The following LRRTM4 variants were observed in gnomAD, a reference collection of about 807,000 sequenced individuals.
LRRTM4 encodes leucine rich repeat transmembrane neuronal 4.
Under a neutral mutation model 47.6 loss-of-function variants are expected in LRRTM4, and 25 were observed. That is an observed-to-expected ratio of 0.53 (90% CI 0.38 to 0.73). The LOEUF (loss-of-function observed/expected upper bound fraction) is 0.73. Among genes scored for constraint, LRRTM4 ranks in the 30% least tolerant of loss-of-function variants. LRRTM4 has a pLI of 0.00. For synonymous variants in LRRTM4, 311 were observed against 269.5 expected (o/e 1.15, Z -1.51); for missense variants, 638 against 713.4 (o/e 0.89, Z 1.20).
chr2:76,914,417 G>T (rs1674175358), intron 3 of LRRTM4, among the ~76,000 whole-genome samples: 1 of 151,868 alleles, frequency 6.6e-6, no homozygotes. Context: ...CTTTATATTT[G>T]GGGTTGATTT....
chr2:77,068,886 C>T (rs1236087820), intron 3 of LRRTM4, among the ~76,000 whole-genome samples: 2 of 151,696 alleles, frequency 1.3e-5, no homozygotes, highest in Non-Finnish European at 2.9e-5. Flanking sequence ...ACACCTGGAC[C>T]TCCCAGGGGT....
At chr2:77,039,932 ATAAT>A (rs1040291122) in intron 3 of LRRTM4, among the ~76,000 whole-genome samples, 1 of 151,154 alleles carries the variant, frequency 6.6e-6, no homozygotes, top group African/African-American at 2.4e-5. Context: ...TATTTTTAAA[ATAAT>A]TATTTTCTTA....
chr2:77,017,076 C>T (rs1485995867), intron 3 of LRRTM4, among the ~76,000 whole-genome samples: 2 of 152,112 alleles, frequency 1.3e-5, no homozygotes, highest in South Asian at 4.1e-4. Flanking sequence ...AGAAGCAACA[C>T]CTGGTTGCAG....
intron 3 of LRRTM4, among the ~76,000 whole-genome samples, chr2:77,031,840 T>C (rs1250171168): frequency 1.3e-5 from 2 of 152,158 alleles, no homozygotes; most frequent in African/African-American, 2.4e-5. Flanking sequence ...GAGATATGAC[T>C]GTCTGCCTAC....
chr2:77,314,234 A>T (rs1026340160), intron 3 of LRRTM4, among the ~76,000 whole-genome samples: 1 of 152,150 alleles, frequency 6.6e-6, no homozygotes, highest in Non-Finnish European at 1.5e-5. Flanking sequence ...ATAACTCTTC[A>T]TACTGTAGGT....
chr2:77,373,439 T>C (rs1672723136), intron 3 of LRRTM4, among the ~76,000 whole-genome samples: 1 of 151,694 alleles, frequency 6.6e-6, no homozygotes, highest in Non-Finnish European at 1.5e-5. Flanking sequence ...AAACATAGAA[T>C]GGGGCAGCTG....
At chr2:77,221,687 A>C in intron 3 of LRRTM4, among the ~76,000 whole-genome samples, 1 of 152,146 alleles carries the variant, frequency 6.6e-6, no homozygotes, top group East Asian at 1.9e-4. Flanking sequence ...CCAATACAGG[A>C]GCACCCAGAT....
intron 3 of LRRTM4, among the ~76,000 whole-genome samples, chr2:76,970,218 C>T (rs866864627): frequency 2.2e-4 from 33 of 151,968 alleles, no homozygotes; most frequent in African/African-American, 6.3e-4. Context: ...CAGGGTAAAA[C>T]GGATAGAATA....
At chr2:77,396,354 T>G (rs1294542554) in intron 3 of LRRTM4, among the ~76,000 whole-genome samples, 1 of 151,918 alleles carries the variant, frequency 6.6e-6, no homozygotes, top group Non-Finnish European at 1.5e-5. Flanking sequence ...CATTTCCAGC[T>G]TGTATTCTAG....
chr2:77,073,376 A>G (rs573999229), intron 3 of LRRTM4, among the ~76,000 whole-genome samples: 3 of 151,800 alleles, frequency 2.0e-5, no homozygotes, highest in African/African-American at 4.9e-5. Flanking sequence ...ATTTTGGTCT[A>G]TATTTCAATC....
intron 3 of LRRTM4, among the ~76,000 whole-genome samples, chr2:77,132,238 G>A (rs1671821845): frequency 1.3e-5 from 2 of 152,118 alleles, no homozygotes; most frequent in African/African-American, 4.8e-5. Flanking sequence ...GTTAGAACAT[G>A]TGATATCTGT....
chr2:77,408,843 T>C (rs1674309927), intron 3 of LRRTM4, among the ~76,000 whole-genome samples: 1 of 152,234 alleles, frequency 6.6e-6, no homozygotes, highest in Admixed American at 6.5e-5. Context: ...GTTTCATAAA[T>C]GTGTTTCAAA....
At chr2:77,455,109 C>A (rs1038124686) in intron 3 of LRRTM4, among the ~76,000 whole-genome samples, 1 of 151,990 alleles carries the variant, frequency 6.6e-6, no homozygotes, top group African/African-American at 2.4e-5. Flanking sequence ...AATCTCTTGA[C>A]CCTGGGAGGC....
At chr2:77,217,229 TAG>T (rs1484310457) in intron 3 of LRRTM4, among the ~76,000 whole-genome samples, 2 of 151,236 alleles carry the variant, frequency 1.3e-5, no homozygotes, top group East Asian at 1.9e-4. Context: ...TATCCTTTTG[TAG>T]AGAGTTCTGT....
At chr2:77,380,651 C>G (rs1044054256) in intron 3 of LRRTM4, among the ~76,000 whole-genome samples, 3 of 151,814 alleles carry the variant, frequency 2.0e-5, no homozygotes, top group African/African-American at 7.3e-5. Flanking sequence ...CAAAAATTAG[C>G]TGGGCCTGGA....
chr2:77,036,193 G>GA, intron 3 of LRRTM4, among the ~76,000 whole-genome samples: 1 of 151,322 alleles, frequency 6.6e-6, no homozygotes, highest in East Asian at 1.9e-4. Context: ...ACAAAACTGA[G>GA]AAAAAATAAT....
intron 3 of LRRTM4, among the ~76,000 whole-genome samples, chr2:77,313,241 T>C (rs1387170162): frequency 6.6e-5 from 10 of 150,478 alleles, no homozygotes; most frequent in Admixed American, 1.3e-4. Flanking sequence ...GGTGCTGGGA[T>C]GTGCCTCCCT....
At chr2:76,837,688 A>G (rs968611180) in intron 3 of LRRTM4, among the ~76,000 whole-genome samples, 8 of 152,112 alleles carry the variant, frequency 5.3e-5, no homozygotes, top group African/African-American at 1.9e-4. Flanking sequence ...AACCAACCCA[A>G]ATGTCCAACA....
intron 3 of LRRTM4, among the ~76,000 whole-genome samples, chr2:77,024,495 T>TA (rs35116332): frequency 0.25 from 32,014 of 130,028 alleles, 3,910 homozygotes; most frequent in East Asian, 0.45. Context: ...GGTCTAGAAT[T>TA]AAAAAAAAAA....
Sources: gnomAD v4.1 joint callset for allele counts (sites outside exome capture counted in the v4.1 genomes callset) on GRCh38, gnomAD v4.1.1 for gene constraint, MANE v1.5 for transcripts, NCBI Gene and HGNC (gene_info 2026-07-23, HGNC 2026-07-21) for gene names.